Variants in PLCL1 observed in about 807,000 individuals in gnomAD.
PLCL1 encodes the protein inactive phospholipase C-like protein 1.
In PLCL1, 41 loss-of-function variants were observed where a neutral mutation model predicts 84.4. That is an observed-to-expected ratio of 0.49 (90% CI 0.38 to 0.63). PLCL1 has a LOEUF of 0.63. PLCL1 is among the 30% of genes least tolerant of loss of function. PLCL1 has a pLI of 0.00. For missense variants in PLCL1, 1,206 were observed against 1,367.8 expected (o/e 0.88, Z 1.87); for synonymous variants, 490 against 488.3 (o/e 1.00, Z -0.05).
At chr2:198,028,593 G>A (rs1691329367) in intron 1 of PLCL1, among the ~76,000 whole-genome samples, 1 of 152,168 alleles carries the variant, frequency 6.6e-6, no homozygotes, top group East Asian at 1.9e-4. Flanking sequence ...TAGAGTAAAA[G>A]TAGTTATCCT....
intron 1 of PLCL1, among the ~76,000 whole-genome samples, chr2:197,966,724 T>A (rs1170854020): frequency 6.6e-6 from 1 of 152,106 alleles, no homozygotes; most frequent in African/African-American, 2.4e-5. Context: ...CTTACCTGAT[T>A]TTTGGTTCTT....
At position 198,101,314 on chromosome 2, in the gene PLCL1, A is replaced by C; in HGVS notation, c.2949A>C (p.Glu983Asp). 1 of 1,600,884 alleles carries C rather than the reference A, an allele frequency of 6.2e-7. No individual in the cohort carries two copies. The highest frequency in any genetic ancestry group is 1.3e-5 in the African/African-American group (1 of 74,420). The change falls in exon 4 of 6, where the codon GAA (glutamate) becomes GAC (aspartate). Residue 983 changes from glutamate (E) to aspartate (D), a missense_variant. Physicochemically the swap from Glu to Asp is conservative, Grantham distance 45 (BLOSUM62 2). Transcript: ENST00000428675. ...TTCAAGAGAGCCGGTTTCTCATAGA[A>C]ATGGCGGACACAGTCCAGGAAAAGA... is the stretch of plus-strand genomic sequence containing the variant. The part of the protein sequence containing the change: ...LMIQESRFLI[E>D]MADTVQEKIV...
chr2:197,846,780 A>G (rs918641323), intron 1 of PLCL1, among the ~76,000 whole-genome samples: 1 of 152,128 alleles, frequency 6.6e-6, no homozygotes, highest in African/African-American at 2.4e-5. Flanking sequence ...GAAAGCAACG[A>G]AGTCGCACAA....
chr2:197,916,192 A>C (rs1574946959), intron 1 of PLCL1, among the ~76,000 whole-genome samples: 1 of 152,210 alleles, frequency 6.6e-6, no homozygotes, highest in East Asian at 1.9e-4. Flanking sequence ...CCTTTTCCAC[A>C]GATAATATTT....
chr2:197,912,962 T>TA (rs71013000), intron 1 of PLCL1, among the ~76,000 whole-genome samples: 71,107 of 147,362 alleles, frequency 0.48, 17,706 homozygotes, highest in East Asian at 0.77. Flanking sequence ...AAAAAAAAAT[T>TA]AAAAAAAAAA....
intron 1 of PLCL1, among the ~76,000 whole-genome samples, chr2:197,940,753 A>G (rs1019296446): frequency 2.0e-5 from 3 of 152,244 alleles, no homozygotes; most frequent in African/African-American, 4.8e-5. Context: ...GCCATATTAC[A>G]CATAGACACA....
intron 1 of PLCL1, among the ~76,000 whole-genome samples, chr2:197,997,453 C>T (rs549758972): frequency 9.9e-5 from 15 of 152,202 alleles, no homozygotes; most frequent in Non-Finnish European, 1.9e-4. Flanking sequence ...TTATCATAAC[C>T]TGCAGCCACA....
chr2:197,974,410 A>G (rs1050116824), intron 1 of PLCL1, among the ~76,000 whole-genome samples: 2 of 152,126 alleles, frequency 1.3e-5, no homozygotes, highest in African/African-American at 4.8e-5. Context: ...TTCAGTCAGG[A>G]AAAAAAAGAA....
At chr2:198,007,806 C>T (rs1690765358) in intron 1 of PLCL1, among the ~76,000 whole-genome samples, 1 of 152,078 alleles carries the variant, frequency 6.6e-6, no homozygotes, top group Non-Finnish European at 1.5e-5. Flanking sequence ...AATTTACACC[C>T]TGACTGTCTC....
At position 198,136,604 on chromosome 2, in the gene PLCL1, G is replaced by A. The variant is rs1694261633; in HGVS notation, c.3106-10176G>A. On this transcript the variant is annotated intron_variant, in intron 5 of 5. Coordinates refer to ENST00000428675, the MANE Select transcript of PLCL1 (RefSeq NM_006226.4). ...TGGGGTTCCACTCGTCAGCTAGTGTGTTCTGCCATCTTGGGCAGCCAGCTT... is the reference window on the plus strand; with the variant it reads ...TGGGGTTCCACTCGTCAGCTAGTGTATTCTGCCATCTTGGGCAGCCAGCTT... 3.9e-5 allele frequency among the ~76,000 whole-genome samples: 6 copies of A among 152,062 alleles called. No homozygotes were observed. In the South Asian group the frequency reaches 1.2e-3, roughly 31 times the overall value.
At chr2:197,916,980 G>A (rs1688611395) in intron 1 of PLCL1, among the ~76,000 whole-genome samples, 1 of 152,094 alleles carries the variant, frequency 6.6e-6, no homozygotes, top group South Asian at 2.1e-4. Context: ...TATTAGAATG[G>A]CAAAAATCCA....
At chr2:197,842,471 C>T (rs750507062) in intron 1 of PLCL1, among the ~76,000 whole-genome samples, 4 of 152,062 alleles carry the variant, frequency 2.6e-5, no homozygotes, top group Non-Finnish European at 5.9e-5. Context: ...AAATTGCCAT[C>T]CCCCATCAGC....
intron 1 of PLCL1, among the ~76,000 whole-genome samples, chr2:197,807,923 A>G (rs906846580): frequency 2.4e-4 from 36 of 152,304 alleles, no homozygotes; most frequent in African/African-American, 8.7e-4. Context: ...CTTGTATATT[A>G]ATAAAAAGAA....
At chr2:197,904,549 A>G (rs1217363845) in intron 1 of PLCL1, among the ~76,000 whole-genome samples, 3 of 152,162 alleles carry the variant, frequency 2.0e-5, no homozygotes, top group Non-Finnish European at 2.9e-5. Flanking sequence ...TAGGGTGCCT[A>G]CAGTATATGA....
chr2:198,120,823 A>C (rs998640901), intron 5 of PLCL1, among the ~76,000 whole-genome samples: 5 of 152,006 alleles, frequency 3.3e-5, no homozygotes, highest in Admixed American at 1.3e-4. Flanking sequence ...CTTTCTTTTG[A>C]ATATATACCC....
At position 198,130,835 on chromosome 2, in the gene PLCL1, A is replaced by T. The variant is rs565836165; in HGVS notation, c.3106-15945A>T. On this transcript the variant is annotated intron_variant, in intron 5 of 5. Coordinates refer to ENST00000428675, the MANE Select transcript of PLCL1 (RefSeq NM_006226.4). ...GTCACCTTAGTTATCTTCATTTATCACCTGAGTTAGTGAAAAGTCATTTCT... is the reference window on the plus strand; with the variant it reads ...GTCACCTTAGTTATCTTCATTTATCTCCTGAGTTAGTGAAAAGTCATTTCT... 7.2e-5 allele frequency among the ~76,000 whole-genome samples: 11 copies of T among 152,220 alleles called. No individual in the cohort carries two copies. The East Asian group carries it at 2.1e-3, about 29-fold the overall frequency.
chr2:198,030,079 G>A (rs956803388), intron 1 of PLCL1, among the ~76,000 whole-genome samples: 17 of 152,050 alleles, frequency 1.1e-4, no homozygotes, highest in Non-Finnish European at 4.4e-5. Context: ...AAGTCATGGG[G>A]GTTTGCTGCA....
At chr2:197,853,284 T>C (rs558534336) in intron 1 of PLCL1, among the ~76,000 whole-genome samples, 1 of 152,348 alleles carries the variant, frequency 6.6e-6, no homozygotes, top group South Asian at 2.1e-4. Flanking sequence ...GACCCTTGTG[T>C]TGCTTCCACC....
intron 3 of PLCL1, among the ~76,000 whole-genome samples, chr2:198,089,612 C>T (rs1692969738): frequency 1.3e-5 from 2 of 152,078 alleles, no homozygotes; most frequent in South Asian, 4.1e-4. Context: ...TAGAATAGAT[C>T]ATGTTTGCTT....
Sources: gnomAD v4.1 joint callset for allele counts (sites outside exome capture counted in the v4.1 genomes callset) on GRCh38, gnomAD v4.1.1 for gene constraint, MANE v1.5 for transcripts, NCBI Gene and HGNC (gene_info 2026-07-23, HGNC 2026-07-21) for gene names.